CCDC15: variants seen among roughly 807,000 people sequenced by gnomAD.
The protein encoded by CCDC15 is coiled-coil domain-containing protein 15.
A neutral mutation model predicts 114.5 loss-of-function variants in CCDC15; 105 were observed. The ratio of observed to expected loss-of-function variants is 0.92; its 90% CI spans 0.78 to 1.08. CCDC15 has a LOEUF of 1.08. Among genes scored for constraint, CCDC15 ranks in the 50% least tolerant of loss-of-function variants. The pLI, the probability that CCDC15 is intolerant of heterozygous loss-of-function variation, is 0.00. For synonymous variants in CCDC15, 334 were observed against 377.8 expected (o/e 0.88, Z 1.34); for missense variants, 1,105 against 1,093.6 (o/e 1.01, Z -0.15).
chr11:125,006,232 T>A (rs1372610927), intron 13 of CCDC15, among the ~76,000 whole-genome samples: 4 of 152,174 alleles, frequency 2.6e-5, no homozygotes, highest in Non-Finnish European at 4.4e-5. Flanking sequence ...CATTTGGTGG[T>A]GTCAGTATTT....
chr11:125,033,479 T>C (rs971593214), intron 13 of CCDC15, among the ~76,000 whole-genome samples: 1 of 152,154 alleles, frequency 6.6e-6, no homozygotes, highest in African/African-American at 2.4e-5. Flanking sequence ...CTGGCATACA[T>C]CAAGATCTTG....
At chr11:124,992,507 C>T in intron 9 of CCDC15, 73 bp from the exon 10 acceptor site, 1 of 834,146 alleles carries the variant, frequency 1.2e-6, no homozygotes, top group East Asian at 2.7e-5. Context: ...TTCACTGAAG[C>T]TTATGATATT....
intron 11 of CCDC15, among the ~76,000 whole-genome samples, chr11:125,000,019 G>A (rs987266802): frequency 2.6e-5 from 4 of 151,458 alleles, no homozygotes; most frequent in Admixed American, 6.6e-5. Context: ...CCACCACCAC[G>A]CCTGGCTAAT....
At chr11:124,966,789 C>T (rs1947791820) in intron 4 of CCDC15, among the ~76,000 whole-genome samples, 1 of 152,116 alleles carries the variant, frequency 6.6e-6, no homozygotes, top group Non-Finnish European at 1.5e-5. Flanking sequence ...CTGGTTGTTC[C>T]TTTCCATGTT....
intron 13 of CCDC15, among the ~76,000 whole-genome samples, chr11:125,032,362 C>T (rs1409054360): frequency 6.6e-6 from 1 of 152,176 alleles, no homozygotes; most frequent in Non-Finnish European, 1.5e-5. Flanking sequence ...AGTCAGTGGC[C>T]ACATACCAGG....
chr11:124,955,015 C>T (rs1355939554), intron 2 of CCDC15, 106 bp downstream of exon 2: 2 of 990,592 alleles, frequency 2.0e-6, no homozygotes, highest in Admixed American at 2.7e-5. Flanking sequence ...GATGCTGTTT[C>T]TATTCTGCCA....
chr11:124,967,008 G>A lies in CCDC15; in HGVS notation c.516+7005G>A, dbSNP rs564192568. On this transcript the variant is annotated intron_variant, in intron 4 of 15. Coordinates refer to ENST00000344762, the MANE Select transcript of CCDC15 (RefSeq NM_025004.3). ...TTGTAGAGTTTCTGCCGAGAGATCC[G>A]CTGTTAGTCTGATGGGCTTCCCTTT... Among the ~76,000 whole-genome samples, 6 of 152,280 alleles carry A rather than the reference G, an allele frequency of 3.9e-5. No homozygotes were observed. The East Asian group carries it at 9.7e-4, about 25-fold the overall frequency.
intron 13 of CCDC15, among the ~76,000 whole-genome samples, chr11:125,010,274 G>A (rs1406094443): frequency 6.6e-6 from 1 of 151,874 alleles, no homozygotes; most frequent in Non-Finnish European, 1.5e-5. Context: ...TAGTGATGTG[G>A]AACATATTTT....
chr11:125,033,958 C>T (rs1165845462), intron 13 of CCDC15, among the ~76,000 whole-genome samples: 2 of 152,168 alleles, frequency 1.3e-5, no homozygotes, highest in African/African-American at 4.8e-5. Flanking sequence ...TGTAGCACAT[C>T]TCCTCATGGC....
intron 14 of CCDC15, 53 bp from the exon 15 acceptor site, chr11:125,038,868 A>G: frequency 1.3e-6 from 2 of 1,554,276 alleles, no homozygotes; most frequent in Non-Finnish European, 1.8e-6. Context: ...CAGGATTCAT[A>G]CTCACTTTCT....
intron 9 of CCDC15, 36 bp from the exon 10 acceptor site, chr11:124,992,544 C>A: frequency 7.8e-7 from 1 of 1,277,292 alleles, no homozygotes; most frequent in Non-Finnish European, 1.1e-6. Context: ...AATTTTTTTT[C>A]TGTTGTTGTT....
chr11:124,956,494 A>T (rs1947552421), intron 2 of CCDC15, among the ~76,000 whole-genome samples: 1 of 152,114 alleles, frequency 6.6e-6, no homozygotes, highest in African/African-American at 2.4e-5. Context: ...AACACCCCAC[A>T]AGACTTGGTA....
chr11:125,028,087 G>C (rs574168804), intron 13 of CCDC15, among the ~76,000 whole-genome samples: 3 of 152,024 alleles, frequency 2.0e-5, no homozygotes, highest in Admixed American at 6.5e-5. Context: ...GTGTTCCATT[G>C]GTCTATGTGC....
chr11:125,005,140 T>G lies in CCDC15; in HGVS notation c.2339T>G (p.Leu780Arg). The change falls in exon 13 of 16, where the codon CTT becomes CGT. Residue 780 changes from leucine (L) to arginine (R), a missense_variant. Leu to Arg is a moderately radical substitution (Grantham distance 102, BLOSUM62 -2). Coordinates refer to ENST00000344762, the MANE Select transcript of CCDC15 (RefSeq NM_025004.3). ...AAGCAGTACCTGAGACATAGACGAC[T>G]TTTCATGGATATTGAGAGAGAACAA... ...RQKQYLRHRRLFMDIEREQVK... is the reference protein window; with the variant it reads ...RQKQYLRHRRRFMDIEREQVK... 2 of 1,564,358 alleles carry G rather than the reference T, an allele frequency of 1.3e-6. No homozygotes were observed. The highest frequency in any genetic ancestry group is 1.7e-6 in the Non-Finnish European group (2 of 1,150,696).
chr11:124,991,705 A>G (rs986082992), intron 9 of CCDC15, 122 bp downstream of exon 9: 2 of 872,832 alleles, frequency 2.3e-6, no homozygotes, highest in Non-Finnish European at 3.3e-6. Context: ...CTTTTTTCTG[A>G]TGGAGTCTTT....
chr11:125,016,140 C>A (rs1463256989), intron 13 of CCDC15, among the ~76,000 whole-genome samples: 1 of 152,112 alleles, frequency 6.6e-6, no homozygotes, highest in Non-Finnish European at 1.5e-5. Flanking sequence ...TAAGACTAAG[C>A]AGTATCTGCA....
rs1197039155 is a variant in CCDC15, at chr11:125,038,984, T to A, written c.2649T>A (p.Pro883=). ...TGCAGCTGTATAATATTACTTTACCTCCACTATGCTGTTGTGGTCCTGATT... is the reference window on the plus strand; with the variant it reads ...TGCAGCTGTATAATATTACTTTACCACCACTATGCTGTTGTGGTCCTGATT... ...EKMQLYNITL[P]PLCCCGPDFW... The change falls in exon 15 of 16, where the codon CCT becomes CCA. Residue 883 remains proline, a synonymous_variant. Coordinates refer to ENST00000344762, the MANE Select transcript of CCDC15 (RefSeq NM_025004.3). 1 of 1,613,226 alleles carries A rather than the reference T, an allele frequency of 6.2e-7. No homozygotes were observed. The highest frequency in any genetic ancestry group is 1.7e-5 in the Admixed American group (1 of 60,014).
intron 13 of CCDC15, among the ~76,000 whole-genome samples, chr11:125,017,124 A>G (rs1161439254): frequency 1.3e-5 from 2 of 152,218 alleles, no homozygotes; most frequent in African/African-American, 2.4e-5. Context: ...ATAATCATAC[A>G]TCTGTTTTAT....
rs146320259 is a variant in CCDC15 at position 124,959,414 on chromosome 11, A to G, written c.327+150A>G. On this transcript the variant is annotated intron_variant, in intron 3 of 15. Coordinates refer to ENST00000344762, the MANE Select transcript of CCDC15 (RefSeq NM_025004.3). ...TGAAGACAGTAAATTTTTTTTGTAG[A>G]GAAACCATGTTTTATTCCTGTGTTC... The G allele has an allele frequency of 5.2e-5, 38 of 729,996 alleles. No homozygotes were observed. In the East Asian group the frequency reaches 1.2e-3, roughly 22 times the overall value. 45.2% of individuals were successfully genotyped at this position (729,996 alleles called of 1,614,324 possible). A position where few individuals can be genotyped will look rare whatever the true frequency, so the allele number is the denominator to read the frequency against.
Sources: allele counts gnomAD v4.1 joint callset (sites outside exome capture counted in the v4.1 genomes callset), GRCh38; gene constraint gnomAD v4.1.1; transcripts MANE v1.5; gene names NCBI Gene and HGNC (gene_info 2026-07-23, HGNC 2026-07-21).